Variants in CFAP299 observed in about 807,000 individuals in gnomAD.
CFAP299 encodes cilia and flagella associated protein 299, also known as cilia- and flagella-associated protein 299.
Under a neutral mutation model 27.0 loss-of-function variants are expected in CFAP299, and 21 were observed. That is an observed-to-expected ratio of 0.78 (90% CI 0.55 to 1.12). CFAP299 has a LOEUF of 1.12. Among genes scored for constraint, CFAP299 ranks in the 50% most tolerant of loss-of-function variants. The pLI, the probability that CFAP299 is intolerant of heterozygous loss-of-function variation, is 0.00. For missense variants in CFAP299, 310 were observed against 276.6 expected, an observed-to-expected ratio of 1.12 and a Z score of -0.86; for synonymous variants, 104 against 98.1, an observed-to-expected ratio of 1.06 and a Z score of -0.36.
At chr4:80,501,164 A>G (rs1478453953) in intron 2 of CFAP299, among the ~76,000 whole-genome samples, 1 of 152,070 alleles carries the variant, frequency 6.6e-6, no homozygotes, top group South Asian at 2.1e-4. Context: ...TTGAGTACTC[A>G]TAACTCTAGC....
chr4:80,569,237 T>C (rs934735086), intron 2 of CFAP299, among the ~76,000 whole-genome samples: 1 of 152,130 alleles, frequency 6.6e-6, no homozygotes, highest in African/African-American at 2.4e-5. Context: ...GGACTCTGAC[T>C]GATAAAGTGA....
intron 3 of CFAP299, among the ~76,000 whole-genome samples, chr4:80,649,854 T>A (rs1224713068): frequency 1.3e-5 from 2 of 152,172 alleles, no homozygotes; most frequent in African/African-American, 2.4e-5. Flanking sequence ...CAGTTTTATG[T>A]GCCTTTAAGT....
chr4:80,840,232 G>T (rs1442592710), intron 3 of CFAP299, among the ~76,000 whole-genome samples: 3 of 152,070 alleles, frequency 2.0e-5, no homozygotes, highest in African/African-American at 7.2e-5. Context: ...GGTATATGTT[G>T]TGTTCTAATC....
intron 1 of CFAP299, among the ~76,000 whole-genome samples, chr4:80,341,989 G>A (rs1011740753): frequency 1.3e-5 from 2 of 152,158 alleles, no homozygotes; most frequent in Admixed American, 6.5e-5. Context: ...CTGACCTGAT[G>A]GAGATGAAAA....
chr4:80,396,134 C>T lies in CFAP299; in HGVS notation c.242+33250C>T, dbSNP rs142422544. Among the ~76,000 whole-genome samples the T allele has an allele frequency of 3.4e-4, 51 of 152,152 alleles. No individual in the cohort carries two copies. In the East Asian group the frequency reaches 8.7e-3, roughly 26 times the overall value. ...TTTGCTTAGTTGATAAATTATTTTT[C>T]GTGTTTGTTTTTATTTCTATTTAAT... On this transcript the variant is annotated intron_variant, in intron 2 of 5. Transcript: ENST00000358105.
At chr4:80,357,483 G>T (rs1723332599) in intron 1 of CFAP299, among the ~76,000 whole-genome samples, 2 of 152,094 alleles carry the variant, frequency 1.3e-5, no homozygotes, top group South Asian at 4.1e-4. Context: ...TTTTTGGTTG[G>T]TAGGCTATTT....
At chr4:80,551,075 G>C (rs920314427) in intron 2 of CFAP299, among the ~76,000 whole-genome samples, 4 of 152,146 alleles carry the variant, frequency 2.6e-5, no homozygotes, top group African/African-American at 9.7e-5. Flanking sequence ...TGGACTTTCA[G>C]TGTAAGCCAA....
intron 2 of CFAP299, among the ~76,000 whole-genome samples, chr4:80,476,012 A>G (rs1261723540): frequency 6.6e-6 from 1 of 152,208 alleles, no homozygotes; most frequent in Non-Finnish European, 1.5e-5. Flanking sequence ...TATCCTTTTA[A>G]TAAGTTGTGT....
At chr4:80,873,091 T>A in intron 4 of CFAP299, 1 of 808,200 alleles carries the variant, frequency 1.2e-6, no homozygotes, top group Non-Finnish European at 1.5e-6. Context: ...TAGTTTTGCT[T>A]TTGATTTTAT....
intron 2 of CFAP299, among the ~76,000 whole-genome samples, chr4:80,575,953 G>T (rs993358461): frequency 6.6e-6 from 1 of 151,654 alleles, no homozygotes; most frequent in African/African-American, 2.4e-5. Context: ...ACTGAACGCC[G>T]CATGTTCTCA....
intron 2 of CFAP299, among the ~76,000 whole-genome samples, chr4:80,489,908 G>A (rs1425747893): frequency 7.5e-6 from 1 of 132,892 alleles, no homozygotes; most frequent in Non-Finnish European, 1.5e-5. Flanking sequence ...AGAATTTCCT[G>A]TTTTGAAGAA....
At chr4:80,471,191 C>T (rs937584697) in intron 2 of CFAP299, among the ~76,000 whole-genome samples, 52 of 152,196 alleles carry the variant, frequency 3.4e-4, no homozygotes, top group Middle Eastern at 3.4e-3. Flanking sequence ...TACCTGTGTT[C>T]ATAACCATTG....
chr4:80,416,936 G>A (rs567882347), intron 2 of CFAP299, among the ~76,000 whole-genome samples: 1 of 152,320 alleles, frequency 6.6e-6, no homozygotes, highest in Admixed American at 6.5e-5. Context: ...TGAGTCCATA[G>A]AGTAAAGTGA....
chr4:80,838,592 G>A (rs984452729), intron 3 of CFAP299, among the ~76,000 whole-genome samples: 7 of 151,840 alleles, frequency 4.6e-5, no homozygotes, highest in East Asian at 3.9e-4. Flanking sequence ...GTCTTATTTC[G>A]GAGGCCTCTG....
chr4:80,894,876 A>G (rs1734538841), intron 4 of CFAP299, among the ~76,000 whole-genome samples: 2 of 151,888 alleles, frequency 1.3e-5, no homozygotes, highest in Non-Finnish European at 2.9e-5. Flanking sequence ...GATGATGTGG[A>G]GGACATAATG....
At chr4:80,834,882 A>C (rs574624985) in intron 3 of CFAP299, among the ~76,000 whole-genome samples, 3 of 152,264 alleles carry the variant, frequency 2.0e-5, no homozygotes, top group Admixed American at 1.3e-4. Flanking sequence ...TACTAACTCC[A>C]AATATCTCTG....
intron 3 of CFAP299, among the ~76,000 whole-genome samples, chr4:80,724,858 C>T (rs1274663834): frequency 3.5e-5 from 5 of 144,736 alleles, no homozygotes; most frequent in Admixed American, 1.4e-4. Context: ...TCCTTCCTTC[C>T]TTTCCTTCCT....
At chr4:80,937,140 G>A (rs902093473) in intron 4 of CFAP299, among the ~76,000 whole-genome samples, 3 of 151,686 alleles carry the variant, frequency 2.0e-5, no homozygotes, top group African/African-American at 7.3e-5. Flanking sequence ...CGCATTGAGT[G>A]ATACATCTTT....
intron 2 of CFAP299, among the ~76,000 whole-genome samples, chr4:80,392,998 G>A (rs968967302): frequency 2.6e-5 from 4 of 152,130 alleles, no homozygotes; most frequent in African/African-American, 9.7e-5. Flanking sequence ...CTCTATGGCT[G>A]TTATTACCCC....
Sources: gnomAD v4.1 joint callset for allele counts (sites outside exome capture counted in the v4.1 genomes callset) on GRCh38, gnomAD v4.1.1 for gene constraint, MANE v1.5 for transcripts, NCBI Gene and HGNC (gene_info 2026-07-23, HGNC 2026-07-21) for gene names.